Variants in UNC5A observed in about 807,000 individuals in gnomAD.
The protein encoded by UNC5A is netrin receptor UNC5A.
UNC5A carries 20 observed loss-of-function variants against 87.4 expected under a neutral mutation model. That is an observed-to-expected ratio of 0.23 (90% CI 0.16 to 0.33). UNC5A has a LOEUF of 0.33. Among genes scored for constraint, UNC5A ranks in the 10% least tolerant of loss-of-function variants. The pLI is 1.00. For missense variants in UNC5A, 844 were observed against 1,133.4 expected, an observed-to-expected ratio of 0.74 and a Z score of 3.67; for synonymous variants, 438 against 482.3, an observed-to-expected ratio of 0.91 and a Z score of 1.20.
intron 1 of UNC5A, among the ~76,000 whole-genome samples, chr5:176,817,826 G>T (rs1387478960): frequency 6.6e-6 from 1 of 151,854 alleles, no homozygotes; most frequent in Admixed American, 6.6e-5. Context: ...GGAGGCTCGC[G>T]CCCGGGGACG....
At chr5:176,871,939 G>A (rs13177427) in intron 6 of UNC5A, among the ~76,000 whole-genome samples, 1 of 7,082 alleles carries the variant, frequency 1.4e-4, no homozygotes, top group Non-Finnish European at 3.1e-4. Context: ...GCCCACACTC[G>A]CCCCAACACC....
At chr5:176,853,692 C>T (rs1349498969) in intron 1 of UNC5A, among the ~76,000 whole-genome samples, 1 of 152,238 alleles carries the variant, frequency 6.6e-6, no homozygotes, top group Non-Finnish European at 1.5e-5. Context: ...CAGTCACCTC[C>T]ACATCCGGCA....
chr5:176,850,173 C>T (rs1050741310), intron 1 of UNC5A, among the ~76,000 whole-genome samples: 2 of 152,200 alleles, frequency 1.3e-5, no homozygotes, highest in Non-Finnish European at 2.9e-5. Flanking sequence ...GGGCTGAGTG[C>T]ATTGGTAGTA....
chr5:176,830,548 G>A (rs1273727888), intron 1 of UNC5A, among the ~76,000 whole-genome samples: 2 of 125,066 alleles, frequency 1.6e-5, no homozygotes, highest in South Asian at 3.0e-4. Context: ...GTGTGTGCAT[G>A]TGCATGTGTC....
chr5:176,869,546 C>T lies in UNC5A; in HGVS notation c.721+582C>T, dbSNP rs542682088. 4 of 661,630 alleles carry T rather than the reference C, an allele frequency of 6.0e-6. No individual in the cohort carries two copies. Among genetic ancestry groups the T allele is most frequent in the African/African-American group, 3.6e-5 (2 of 56,164 alleles). The allele number at this position is 661,630 out of a possible 1,614,324, so 41.0% of individuals were successfully genotyped here. On this transcript the variant is annotated intron_variant, in intron 5 of 14. Coordinates refer to ENST00000329542, the MANE Select transcript of UNC5A (RefSeq NM_133369.3). The surrounding 1 kb of genome is among the most constrained non-coding windows in gnomAD (Gnocchi z 9.1). ...TCACAGCCCCTCTGCCCTCACGCCC[C>T]GTCCCCTGGGCCAGTGTATCTGAGG...
intron 1 of UNC5A, among the ~76,000 whole-genome samples, chr5:176,821,303 G>C (rs1279815583): frequency 6.6e-6 from 1 of 152,248 alleles, no homozygotes; most frequent in African/African-American, 2.4e-5. Flanking sequence ...GTCAGAGTCT[G>C]AGCCTGCCTA....
chr5:176,814,666 G>A (rs1756546241), intron 1 of UNC5A, among the ~76,000 whole-genome samples: 1 of 152,182 alleles, frequency 6.6e-6, no homozygotes, highest in African/African-American at 2.4e-5. Context: ...CTCAGCCCTG[G>A]GGCTGCCAGA....
rs1479673886 is a variant in UNC5A at position 176,866,268 on chromosome 5, G to A, written c.293-1862G>A. Among the ~76,000 whole-genome samples the A allele has an allele frequency of 6.6e-6, 1 of 152,214 alleles. No homozygotes were observed. The highest frequency in any genetic ancestry group is 2.4e-5 in the African/African-American group (1 of 41,456). ...CACATCAAAGATGGGGTAGGGCCGG[G>A]TCTGCAGCCCCCGCCTCAGGCACTG... On this transcript the variant is annotated intron_variant, in intron 2 of 14. Coordinates refer to ENST00000329542, the MANE Select transcript of UNC5A (RefSeq NM_133369.3). This position sits in a 1 kb window ranked among gnomAD's most constrained non-coding sequence, Gnocchi z 5.0.
chr5:176,833,501 A>G (rs180769232), intron 1 of UNC5A, among the ~76,000 whole-genome samples: 18 of 152,236 alleles, frequency 1.2e-4, no homozygotes, highest in African/African-American at 3.6e-4. Context: ...TTAGTATTCC[A>G]TGGTATATAT....
intron 1 of UNC5A, among the ~76,000 whole-genome samples, chr5:176,828,737 G>A (rs1756913322): frequency 6.6e-6 from 1 of 152,154 alleles, no homozygotes; most frequent in Non-Finnish European, 1.5e-5. Context: ...TGAGGGCAGG[G>A]ACTATGGCCT....
intron 1 of UNC5A, among the ~76,000 whole-genome samples, chr5:176,856,489 C>G (rs1757670340): frequency 6.6e-6 from 1 of 152,188 alleles, no homozygotes; most frequent in African/African-American, 2.4e-5. Context: ...CATCAGCATC[C>G]TGGTGAGACC....
intron 1 of UNC5A, among the ~76,000 whole-genome samples, chr5:176,850,098 C>T (rs1757507979): frequency 6.6e-6 from 1 of 152,258 alleles, no homozygotes; most frequent in Admixed American, 6.5e-5. Context: ...GCCATGCAGC[C>T]CCACGTCCCC....
At chr5:176,830,610 G>T (rs1561644058) in intron 1 of UNC5A, among the ~76,000 whole-genome samples, 1 of 147,844 alleles carries the variant, frequency 6.8e-6, no homozygotes. Context: ...GCTGGTGTGT[G>T]TGTGCGCTGG....
chr5:176,816,393 G>A (rs750404550), intron 1 of UNC5A, among the ~76,000 whole-genome samples: 5 of 152,266 alleles, frequency 3.3e-5, no homozygotes, highest in African/African-American at 4.8e-5. Context: ...TTCTCAGGGC[G>A]TCCAGAAGGT....
chr5:176,860,513 T>C (rs1253680862), intron 1 of UNC5A, among the ~76,000 whole-genome samples: 3 of 152,212 alleles, frequency 2.0e-5, no homozygotes, highest in Non-Finnish European at 4.4e-5. Context: ...GGGTCAGGGC[T>C]GGCCGGTGGC....
At chr5:176,826,608 C>T (rs540043912) in intron 1 of UNC5A, among the ~76,000 whole-genome samples, 13 of 149,172 alleles carry the variant, frequency 8.7e-5, no homozygotes, top group East Asian at 5.9e-4. Flanking sequence ...CAATGTTATG[C>T]GACCATCACT....
intron 2 of UNC5A, among the ~76,000 whole-genome samples, chr5:176,867,337 G>A (rs1446330591): frequency 2.0e-5 from 3 of 152,174 alleles, no homozygotes; most frequent in South Asian, 2.1e-4. Context: ...AAGGTGGGGG[G>A]CTGAGTCCAG....
At chr5:176,827,525 G>A (rs1756884757) in intron 1 of UNC5A, among the ~76,000 whole-genome samples, 2 of 152,150 alleles carry the variant, frequency 1.3e-5, no homozygotes, top group Non-Finnish European at 1.5e-5. Context: ...TTGTATGGAT[G>A]GACCACATTT....
intron 13 of UNC5A, among the ~76,000 whole-genome samples, chr5:176,879,098 C>T (rs1386036565): frequency 1.3e-5 from 2 of 152,096 alleles, no homozygotes; most frequent in Non-Finnish European, 2.9e-5. Context: ...CAGAGGGCTC[C>T]TCTGCTCTCT....
Sources: gnomAD v4.1 joint callset for allele counts (sites outside exome capture counted in the v4.1 genomes callset) on GRCh38, gnomAD v4.1.1 for gene constraint, Gnocchi (gnomAD v3.1) non-coding constraint, MANE v1.5 for transcripts, NCBI Gene and HGNC (gene_info 2026-07-23, HGNC 2026-07-21) for gene names.